The following ANPEP variants were observed in gnomAD, a reference collection of about 807,000 sequenced individuals.
ANPEP encodes the protein alanyl aminopeptidase, membrane, also known as aminopeptidase N.
A neutral mutation model predicts 114.6 loss-of-function variants in ANPEP; 70 were observed. The ratio of observed to expected loss-of-function variants is 0.61; its 90% confidence interval spans 0.50 to 0.75. The LOEUF (loss-of-function observed/expected upper bound fraction) is 0.75, where lower values mean the gene tolerates loss of function less well. ANPEP is among the 30% of genes least tolerant of loss of function. ANPEP has a pLI of 0.00. For synonymous variants in ANPEP, 548 were observed against 522.3 expected (o/e 1.05, Z -0.67); for missense variants, 1,184 against 1,259.5 (o/e 0.94, Z 0.91).
intron 2 of ANPEP, 77 bp from the exon 3 acceptor site, chr15:89,805,540 C>T: frequency 6.4e-7 from 1 of 1,565,826 alleles, no homozygotes; most frequent in Non-Finnish European, 8.7e-7. Flanking sequence ...ACCAGGCATG[C>T]AGGGAAAGGG....
At chr15:89,789,360 T>C (rs1462704276) in intron 20 of ANPEP, among the ~76,000 whole-genome samples, 4 of 152,294 alleles carry the variant, frequency 2.6e-5, no homozygotes, top group African/African-American at 9.6e-5. Flanking sequence ...AGCATATATA[T>C]CAATTGTAAA....
At chr15:89,786,923 G>A (rs191873842) in intron 20 of ANPEP, among the ~76,000 whole-genome samples, 3 of 151,974 alleles carry the variant, frequency 2.0e-5, no homozygotes, top group East Asian at 3.9e-4. Context: ...ATGGGACTTG[G>A]ACAACCGGAT....
chr15:89,785,403 C>T lies in ANPEP; in HGVS notation c.2850G>A (p.Trp950Ter), dbSNP rs1366127086. 1 of 1,614,192 alleles carries T rather than the reference C, an allele frequency of 6.2e-7. No homozygotes were observed. Residue 950 changes from tryptophan (W) to a stop codon, truncating the protein, a stop_gained, in exon 21 of 21, where the codon TGG (tryptophan) becomes TGA (stop). Transcript: ENST00000300060. LOFTEE classifies it high-confidence loss of function. The stretch of plus-strand genomic sequence containing the variant: ...GCACCACCTCCTTGTTCTCCTTCAC[C>T]CACTTGATGTTGGCTTTCGTCTTCT... The part of the protein sequence containing the change: ...ALEKTKANIK[W>*]VKENKEVVLQ...
intron 1 of ANPEP, among the ~76,000 whole-genome samples, chr15:89,810,161 C>T (rs1287007702): frequency 2.0e-5 from 3 of 152,026 alleles, no homozygotes; most frequent in Admixed American, 6.6e-5. Context: ...GGGCAGATCA[C>T]GAGGTCAGGA....
Position 89,792,276 on chromosome 15 carries a change from G to T in ANPEP, c.2412C>A (p.Gly804=). ...AGGCGAAGTCCCACTCCTCCTCCCC[G>T]CCCTGGGCGATAGCGTTGCAGTAGA... The part of the protein sequence containing the change: ...STVYCNAIAQ[G]GEEEWDFAWE... The change falls in exon 18 of 21, where the codon GGC becomes GGA. Residue 804 remains glycine, a synonymous_variant. Transcript: ENST00000300060. 6.2e-7 allele frequency: 1 copy of T among 1,614,210 alleles called. No homozygotes were observed. Among genetic ancestry groups the T allele is most frequent in the Non-Finnish European group, 8.5e-7 (1 of 1,180,042 alleles).
chr15:89,785,022 G>T lies in ANPEP; in HGVS notation c.*327C>A, dbSNP rs893083456. 4 of 301,154 alleles carry T rather than the reference G, an allele frequency of 1.3e-5. No homozygotes were observed. Among genetic ancestry groups the T allele is most frequent in the Non-Finnish European group, 2.5e-5 (4 of 157,488 alleles). 18.7% of individuals were successfully genotyped at this position (301,154 alleles called of 1,614,324 possible). On this transcript the variant is annotated 3_prime_UTR_variant, in exon 21 of 21. Transcript: ENST00000300060. ...AGGGTACAGGGCGGCCCCCAGCAAG[G>T]CCGTTCATTGTCCATCGAGAGCTTC... is the stretch of plus-strand genomic sequence containing the variant.
intron 1 of ANPEP, among the ~76,000 whole-genome samples, chr15:89,808,907 G>A (rs566649545): frequency 9.8e-5 from 15 of 152,346 alleles, no homozygotes; most frequent in South Asian, 2.1e-4. Flanking sequence ...TATGGAGGCC[G>A]AGTCTGAGCC....
At position 89,785,133 on chromosome 15, in the gene ANPEP, T is replaced by G; in HGVS notation, c.*216A>C. 1.8e-6 allele frequency: 1 copy of G among 565,076 alleles called. No homozygotes were observed. 35.0% of individuals were successfully genotyped at this position (565,076 alleles called of 1,614,324 possible). ...GTGCCATGCCAGGCCTAGGGCGGGG[T>G]TGGCATGAGGGGCAGGGGCTGGGAG... On this transcript the variant is annotated 3_prime_UTR_variant, in exon 21 of 21. Transcript: ENST00000300060.
chr15:89,788,985 A>ATT (rs970637387), intron 20 of ANPEP, among the ~76,000 whole-genome samples: 1 of 144,846 alleles, frequency 6.9e-6, no homozygotes. Context: ...TTATATATCA[A>ATT]TTTTTTTTTT....
chr15:89,812,141 G>A (rs1448745113), intron 1 of ANPEP, among the ~76,000 whole-genome samples: 1 of 152,190 alleles, frequency 6.6e-6, no homozygotes, highest in Admixed American at 6.5e-5. Context: ...AGGAGCCTGG[G>A]AGGGGCTGTG....
rs1894709720 is a variant in ANPEP, at chr15:89,806,228, A to G, written c.356T>C (p.Val119Ala). The part of the protein sequence containing the change: ...VRFTCKEATD[V>A]IIIHSKKLNY... ...GAGCTTCTTGCTGTGGATGATGATG[A>G]CGTCAGTGGCCTCCTTGCAGGTGAA... The change falls in exon 2 of 21, where the codon GTC (valine) becomes GCC (alanine). Residue 119 changes from valine to alanine, a missense_variant. Transcript: ENST00000300060. The surrounding 1 kb of genome is among the most constrained non-coding windows in gnomAD (Gnocchi z 5.7). The G allele has an allele frequency of 3.7e-6, 6 of 1,613,956 alleles. No individual in the cohort carries two copies. In the South Asian group the frequency reaches 5.5e-5, roughly 15 times the overall value.
intron 1 of ANPEP, among the ~76,000 whole-genome samples, chr15:89,814,295 C>T (rs974571442): frequency 6.6e-6 from 1 of 152,204 alleles, no homozygotes; most frequent in African/African-American, 2.4e-5. Context: ...GGAGCGAGAT[C>T]TAAGGTTAAA....
chr15:89,814,220 G>C (rs963650091), intron 1 of ANPEP, among the ~76,000 whole-genome samples: 5 of 152,228 alleles, frequency 3.3e-5, no homozygotes, highest in Middle Eastern at 3.4e-3. Flanking sequence ...ACTGTAACGC[G>C]GGCGTTGAGC....
intron 1 of ANPEP, among the ~76,000 whole-genome samples, chr15:89,811,657 A>G (rs1405488146): frequency 1.3e-5 from 2 of 151,704 alleles, no homozygotes; most frequent in Admixed American, 1.3e-4. Context: ...AGTAAAAAAA[A>G]AAAAAAAAAG....
chr15:89,801,073 G>T (rs758593217), intron 12 of ANPEP, 38 bp downstream of exon 12: 1 of 1,576,532 alleles, frequency 6.3e-7, no homozygotes, highest in Non-Finnish European at 8.7e-7. Context: ...TAGGAGTATG[G>T]GGTGGGGGCT....
chr15:89,803,650 G>A lies in ANPEP; in HGVS notation c.1434C>T (p.Ser478=), dbSNP rs371398651. 1.9e-6 allele frequency: 3 copies of A among 1,611,168 alleles called. No homozygotes were observed. Among genetic ancestry groups the A allele is most frequent in the East Asian group, 2.2e-5 (1 of 44,802 alleles). The part of the protein sequence containing the change: ...ISELFDAISY[S]KGASVLRMLS... Reference sequence around the variant, plus strand: ...CCCCACGAGGAGCGGGCTGCACCTTGCTGTAGGAGATGGCGTCAAACAGCT... The same window carrying A: ...CCCCACGAGGAGCGGGCTGCACCTTACTGTAGGAGATGGCGTCAAACAGCT... Residue 478 remains serine, a synonymous_variant, in exon 8 of 21, where the codon AGC becomes AGT. Transcript: ENST00000300060. The surrounding 1 kb of genome is among the most constrained non-coding windows in gnomAD (Gnocchi z 4.2).
rs866381238 is a variant in ANPEP, at chr15:89,790,402, G to A, written c.2751+58C>T. The A allele has an allele frequency of 8.0e-6, 12 of 1,502,202 alleles. No individual in the cohort carries two copies. The Middle Eastern group carries it at 1.6e-3, about 195-fold the overall frequency. 93.1% of individuals were successfully genotyped at this position (1,502,202 alleles called of 1,614,324 possible). A position where few individuals can be genotyped will look rare whatever the true frequency, so the allele number is the denominator to read the frequency against. On this transcript the variant is annotated intron_variant, in intron 20 of 20. Coordinates refer to ENST00000300060, the MANE Select transcript of ANPEP (RefSeq NM_001150.3). Reference sequence around the variant, plus strand: ...GGGCCACGTGGGAGAAGAATGGAGTGCCCCTTTGGCCTGGGAAGGAAGTAG... The same window carrying A: ...GGGCCACGTGGGAGAAGAATGGAGTACCCCTTTGGCCTGGGAAGGAAGTAG...
chr15:89,807,344 T>C (rs1894735913), intron 1 of ANPEP, among the ~76,000 whole-genome samples: 1 of 152,254 alleles, frequency 6.6e-6, no homozygotes, highest in Non-Finnish European at 1.5e-5. Context: ...AGTATTTGCC[T>C]CTCAGGTTTG....
chr15:89,793,189 G>A (rs1000211512), intron 15 of ANPEP, 63 bp from the exon 16 acceptor site: 1 of 1,463,448 alleles, frequency 6.8e-7, no homozygotes, highest in African/African-American at 1.4e-5. Flanking sequence ...GAGCCCCACA[G>A]AGCCTCTGAT....
Sources: allele counts gnomAD v4.1 joint callset (sites outside exome capture counted in the v4.1 genomes callset), GRCh38; gene constraint gnomAD v4.1.1; non-coding constraint Gnocchi (gnomAD v3.1); transcripts MANE v1.5; gene names NCBI Gene and HGNC (gene_info 2026-07-23, HGNC 2026-07-21).